Variants in BAG1 observed in about 807,000 individuals in gnomAD.
BAG1 encodes BAG cochaperone 1.
A neutral mutation model predicts 35.5 loss-of-function variants in BAG1; 35 were observed. That is an observed-to-expected ratio of 0.99 (90% confidence interval 0.75 to 1.31). The LOEUF is 1.31. Among genes scored for constraint, BAG1 ranks in the 50% most tolerant of loss-of-function variants. The pLI is 0.00. For synonymous variants in BAG1, 191 were observed against 178.9 expected (o/e 1.07, Z -0.54); for missense variants, 464 against 453.6 (o/e 1.02, Z -0.21).
chr9:33,264,083 A>G, intron 1 of BAG1, 141 bp downstream of exon 1: 2 of 1,009,764 alleles, frequency 2.0e-6, no homozygotes, highest in Non-Finnish European at 2.8e-6. Flanking sequence ...AGACAGTTCC[A>G]CGGACACAAC....
At position 33,264,511 on chromosome 9, in the gene BAG1, C is replaced by A. The variant is rs774395261; in HGVS notation, c.164G>T (p.Gly55Val). ...GGCGCCCCTGGTGGGTCGGTCATGC[C>A]CGCTGGCAGTACTCCGGGCAGGTGG... Residue 55 changes from glycine (G) to valine (V), a missense_variant, in exon 1 of 7, where the codon GGG becomes GTG. Transcript: ENST00000634734. 2 of 1,601,078 alleles carry A rather than the reference C, an allele frequency of 1.2e-6. No individual in the cohort carries two copies. Among genetic ancestry groups the A allele is most frequent in the South Asian group, 1.1e-5 (1 of 90,460 alleles).
Position 33,264,701 on chromosome 9 carries a change from T to C in BAG1, c.-27A>G. ...CCCGCACTTGTTGACCGCCCAGCGA[T>C]GGAAGCTGAGCGCGGCGTCTCACAA... On this transcript the variant is annotated 5_prime_UTR_variant, in exon 1 of 7. Transcript: ENST00000634734. 7.3e-7 allele frequency: 1 copy of C among 1,362,096 alleles called. No homozygotes were observed. The highest frequency in any genetic ancestry group is 9.4e-7 in the Non-Finnish European group (1 of 1,063,448). 84.4% of individuals were successfully genotyped at this position (1,362,096 alleles called of 1,614,324 possible).
At chr9:33,263,207 A>G (rs967745857) in intron 1 of BAG1, among the ~76,000 whole-genome samples, 2 of 152,234 alleles carry the variant, frequency 1.3e-5, no homozygotes, top group East Asian at 3.8e-4. Flanking sequence ...TCAGAAGTTG[A>G]TATCAGATCT....
chr9:33,261,289 G>A (rs1198635848), intron 2 of BAG1, 120 bp from the exon 3 acceptor site: 13 of 644,142 alleles, frequency 2.0e-5, no homozygotes, highest in Non-Finnish European at 2.9e-5. Flanking sequence ...TCTTTTTAGA[G>A]GGTGTCATGA....
Position 33,254,972 on chromosome 9 carries a change from G to T in BAG1, c.*247C>A, listed in dbSNP as rs1820420080. 1 of 1,425,178 alleles carries T rather than the reference G, an allele frequency of 7.0e-7. No individual in the cohort carries two copies. Among genetic ancestry groups the T allele is most frequent in the African/African-American group, 1.4e-5 (1 of 69,758 alleles). The allele number at this position is 1,425,178 out of a possible 1,614,324, so 88.3% of individuals were successfully genotyped here. On this transcript the variant is annotated 3_prime_UTR_variant, in exon 7 of 7. Coordinates refer to ENST00000634734, the MANE Select transcript of BAG1 (RefSeq NM_004323.6). ...CAGCTGGGAAAATTTGGGCAGAGGTGGCCCTCTCCAGAAAAGGTGGATTGC... is the reference window on the plus strand; with the variant it reads ...CAGCTGGGAAAATTTGGGCAGAGGTTGCCCTCTCCAGAAAAGGTGGATTGC...
At position 33,264,468 on chromosome 9, in the gene BAG1, C is replaced by T; in HGVS notation, c.207G>A (p.Arg69=). 6.2e-7 allele frequency: 1 copy of T among 1,612,730 alleles called. No individual in the cohort carries two copies. Among genetic ancestry groups the T allele is most frequent in the East Asian group, 2.2e-5 (1 of 44,858 alleles). Reference sequence around the variant, plus strand: ...GCCGGGTTTTCTTCTTCATCCGCGGCCTGCGAGCGCCGGCGGCGGCGCCCC... The same window carrying T: ...GCCGGGTTTTCTTCTTCATCCGCGGTCTGCGAGCGCCGGCGGCGGCGCCCC... Residue 69 remains arginine, a synonymous_variant, in exon 1 of 7, where the codon AGG becomes AGA. Coordinates refer to ENST00000634734, the MANE Select transcript of BAG1 (RefSeq NM_004323.6).
chr9:33,263,316 G>A (rs899326728), intron 1 of BAG1, among the ~76,000 whole-genome samples: 10 of 152,208 alleles, frequency 6.6e-5, no homozygotes, highest in African/African-American at 1.4e-4. Context: ...CTCGCTTGCT[G>A]TAATGGGCAA....
chr9:33,255,363 C>T, intron 6 of BAG1, 55 bp from the exon 7 acceptor site: 1 of 1,612,178 alleles, frequency 6.2e-7, no homozygotes, highest in Non-Finnish European at 8.5e-7. Context: ...CGACCACTGC[C>T]CACACAAGGC....
At chr9:33,255,372 G>T in intron 6 of BAG1, 64 bp from the exon 7 acceptor site, 1 of 1,609,924 alleles carries the variant, frequency 6.2e-7, no homozygotes, top group Non-Finnish European at 8.5e-7. Flanking sequence ...CCCACACAAG[G>T]CTCCTTGCTT....
rs1461140731 is a variant in BAG1 at position 33,262,714 on chromosome 9, G to T, written c.568C>A (p.Leu190Ile). 1 of 1,595,426 alleles carries T rather than the reference G, an allele frequency of 6.3e-7. No homozygotes were observed. The highest frequency in any genetic ancestry group is 1.8e-5 in the Admixed American group (1 of 54,838). The stretch of plus-strand genomic sequence containing the variant: ...AAGAAATGCTTACCCTTAAATATGA[G>T]TTTCTGAAAAGACTGTGGAACCCCT... The change falls in exon 2 of 7, where the codon CTC (leucine) becomes ATC (isoleucine). Residue 190 changes from leucine to isoleucine, a missense_variant. Transcript: ENST00000634734.
Position 33,255,318 on chromosome 9 carries a change from A to G in BAG1, c.949-10T>C. The G allele has an allele frequency of 6.2e-7, 1 of 1,614,180 alleles. No individual in the cohort carries two copies. The highest frequency in any genetic ancestry group is 1.7e-5 in the Admixed American group (1 of 60,032). On this transcript the variant is annotated splice_polypyrimidine_tract_variant and intron_variant, in intron 6 of 6. Coordinates refer to ENST00000634734, the MANE Select transcript of BAG1 (RefSeq NM_004323.6). The stretch of plus-strand genomic sequence containing the variant: ...ACTCGGCTAGGAATGCCTAGAAAAT[A>G]CACACGGGGCAGTAAGGGCCCATCC...
At chr9:33,255,392 G>A in intron 6 of BAG1, 84 bp from the exon 7 acceptor site, 3 of 1,597,386 alleles carry the variant, frequency 1.9e-6, no homozygotes, top group Non-Finnish European at 2.6e-6. Flanking sequence ...TACCCATTCT[G>A]GGGAACCCAT....
chr9:33,264,699 G>C lies in BAG1; in HGVS notation c.-25C>G. On this transcript the variant is annotated 5_prime_UTR_variant, in exon 1 of 7. It adds an upstream start codon to the 5' untranslated region. Coordinates refer to ENST00000634734, the MANE Select transcript of BAG1 (RefSeq NM_004323.6). ...GGCCCGCACTTGTTGACCGCCCAGC[G>C]ATGGAAGCTGAGCGCGGCGTCTCAC... The C allele has an allele frequency of 7.4e-7, 1 of 1,358,266 alleles. No individual in the cohort carries two copies. The highest frequency in any genetic ancestry group is 9.4e-7 in the Non-Finnish European group (1 of 1,061,276). The allele number at this position is 1,358,266 out of a possible 1,614,324, so 84.1% of individuals were successfully genotyped here. A position where few individuals can be genotyped will look rare whatever the true frequency, so the allele number is the denominator to read the frequency against.
intron 1 of BAG1, 104 bp downstream of exon 1, chr9:33,264,120 G>T: frequency 7.3e-7 from 1 of 1,367,442 alleles, no homozygotes; most frequent in Non-Finnish European, 9.8e-7. Flanking sequence ...CGGACGCCAG[G>T]ACAAGCGCAA....
chr9:33,263,838 CGAG>C (rs1820635692), intron 1 of BAG1, among the ~76,000 whole-genome samples: 1 of 152,114 alleles, frequency 6.6e-6, no homozygotes, highest in African/African-American at 2.4e-5. Context: ...ACTCAGCACA[CGAG>C]GAGCACCCCG....
intron 4 of BAG1, chr9:33,257,851 A>T (rs1342558624): frequency 2.0e-5 from 3 of 152,330 alleles, no homozygotes; most frequent in Admixed American, 1.3e-4. Context: ...ATTATATCAA[A>T]TTTTTTTAAG....
At position 33,255,001 on chromosome 9, in the gene BAG1, A is replaced by G. The variant is rs748853940; in HGVS notation, c.*218T>C. On this transcript the variant is annotated 3_prime_UTR_variant, in exon 7 of 7. Coordinates refer to ENST00000634734, the MANE Select transcript of BAG1 (RefSeq NM_004323.6). Reference sequence around the variant, plus strand: ...CTCTCCAGAAAAGGTGGATTGCTGGACAGTACAACCACAGAGACAGAAGGA... The same window carrying G: ...CTCTCCAGAAAAGGTGGATTGCTGGGCAGTACAACCACAGAGACAGAAGGA... 6 of 1,503,424 alleles carry G rather than the reference A, an allele frequency of 4.0e-6. No individual in the cohort carries two copies. In the South Asian group the frequency reaches 6.1e-5, roughly 15 times the overall value. The allele number at this position is 1,503,424 out of a possible 1,614,324, so 93.1% of individuals were successfully genotyped here.
At position 33,254,662 on chromosome 9, in the gene BAG1, G is replaced by C. The variant is rs956292946; in HGVS notation, c.*557C>G. 29 of 186,618 alleles carry C rather than the reference G, an allele frequency of 1.6e-4. No homozygotes were observed. Among genetic ancestry groups the C allele is most frequent in the Non-Finnish European group, 2.6e-4 (23 of 88,524 alleles). The allele number at this position is 186,618 out of a possible 1,614,324, so 11.6% of individuals were successfully genotyped here. A position where few individuals can be genotyped will look rare whatever the true frequency, so the allele number is the denominator to read the frequency against. ...CTAGTCAGGGTCACTGGGAGGTGAG[G>C]ACAAAGTCTAGAACCCAACAACCCA... On this transcript the variant is annotated 3_prime_UTR_variant, in exon 7 of 7. Transcript: ENST00000634734.
intron 5 of BAG1, among the ~76,000 whole-genome samples, chr9:33,256,509 G>A (rs778519492): frequency 3.9e-5 from 6 of 152,184 alleles, no homozygotes; most frequent in Non-Finnish European, 5.9e-5. Context: ...CCATGAGATC[G>A]TGGACTCCTT....
Sources: gnomAD v4.1 joint callset for allele counts (sites outside exome capture counted in the v4.1 genomes callset) on GRCh38, gnomAD v4.1.1 for gene constraint, MANE v1.5 for transcripts, NCBI Gene and HGNC (gene_info 2026-07-23, HGNC 2026-07-21) for gene names.